Variants in USP43 observed in about 807,000 individuals in gnomAD.
USP43 encodes the protein ubiquitin carboxyl-terminal hydrolase 43.
A neutral mutation model predicts 90.7 loss-of-function variants in USP43; 33 were observed. The observed-to-expected ratio is 0.36, with a 90% confidence interval of 0.28 to 0.49. The LOEUF (loss-of-function observed/expected upper bound fraction) is 0.49, where lower values mean the gene tolerates loss of function less well. USP43 is among the 20% of genes least tolerant of loss of function. The pLI, the probability that USP43 is intolerant of heterozygous loss-of-function variation, is 0.98. For missense variants in USP43, 1,274 were observed against 1,476.4 expected (o/e 0.86, Z 2.25); for synonymous variants, 598 against 615.8 (o/e 0.97, Z 0.43).
intron 5 of USP43, among the ~76,000 whole-genome samples, chr17:9,677,488 A>G (rs534939515): frequency 2.0e-5 from 3 of 152,360 alleles, no homozygotes; most frequent in South Asian, 4.1e-4. Flanking sequence ...ATCTGGCGGA[A>G]GCTGGGATGG....
At chr17:9,711,693 A>G (rs1161174510) in intron 13 of USP43, among the ~76,000 whole-genome samples, 1 of 152,126 alleles carries the variant, frequency 6.6e-6, no homozygotes, top group Admixed American at 6.5e-5. Flanking sequence ...GGCCTCCGTA[A>G]GTGCTGGCAT....
chr17:9,705,553 A>G (rs1452404808), intron 12 of USP43, among the ~76,000 whole-genome samples: 4 of 152,002 alleles, frequency 2.6e-5, no homozygotes, highest in Non-Finnish European at 5.9e-5. Context: ...TTAGGAGTTC[A>G]AGACCAGCCT....
intron 1 of USP43, among the ~76,000 whole-genome samples, chr17:9,652,230 G>A (rs58165021): frequency 0.029 from 3,856 of 132,352 alleles, 267 homozygotes; most frequent in African/African-American, 0.11. Flanking sequence ...AAAAAAAAAA[G>A]AAAAGAAAAG....
Position 9,686,740 on chromosome 17 carries a change from T to C in USP43, c.1242-58T>C. 1 of 1,469,730 alleles carries C rather than the reference T, an allele frequency of 6.8e-7. No homozygotes were observed. The highest frequency in any genetic ancestry group is 9.4e-7 in the Non-Finnish European group (1 of 1,059,866). The allele number at this position is 1,469,730 out of a possible 1,614,324, so 91.0% of individuals were successfully genotyped here. Reference sequence around the variant, plus strand: ...CAGGGTTAGAACAACCACTCATGACTGGTGGATGTTGCTGGTTTTTCCTTT... The same window carrying C: ...CAGGGTTAGAACAACCACTCATGACCGGTGGATGTTGCTGGTTTTTCCTTT... On this transcript the variant is annotated intron_variant, in intron 7 of 14. Coordinates refer to ENST00000285199, the MANE Select transcript of USP43 (RefSeq NM_153210.5). This position sits in a 1 kb window ranked among gnomAD's most constrained non-coding sequence, Gnocchi z 5.5.
intron 14 of USP43, 108 bp downstream of exon 14, chr17:9,712,240 T>C: frequency 7.6e-7 from 1 of 1,312,234 alleles, no homozygotes; most frequent in South Asian, 1.8e-5. Flanking sequence ...AAAGGGTCCA[T>C]CATTACGAGA....
chr17:9,661,759 G>A (rs750486656), intron 2 of USP43, among the ~76,000 whole-genome samples: 2 of 138,266 alleles, frequency 1.4e-5, no homozygotes, highest in Non-Finnish European at 3.0e-5. Context: ...CAGAGCCAGC[G>A]TGAATGACCC....
chr17:9,705,258 A>G (rs1263873294), intron 12 of USP43, among the ~76,000 whole-genome samples: 3 of 148,656 alleles, frequency 2.0e-5, no homozygotes, highest in Non-Finnish European at 4.4e-5. Context: ...CCCCTAATTT[A>G]AGTAAAAGTA....
At chr17:9,657,350 T>C (rs1481694792) in intron 2 of USP43, among the ~76,000 whole-genome samples, 1 of 151,626 alleles carries the variant, frequency 6.6e-6, no homozygotes, top group Non-Finnish European at 1.5e-5. Context: ...CTATTAGTAA[T>C]ATAAAAATGA....
chr17:9,721,199 C>T (rs1457184782), intron 14 of USP43, among the ~76,000 whole-genome samples: 1 of 152,144 alleles, frequency 6.6e-6, no homozygotes, highest in Non-Finnish European at 1.5e-5. Flanking sequence ...ATAAGGTGCC[C>T]TGAAAGTTAA....
chr17:9,680,314 T>C lies in USP43; in HGVS notation c.1053T>C (p.Asp351=). Residue 351 remains aspartate (D), a synonymous_variant, in exon 6 of 15, where the codon GAT becomes GAC. Transcript: ENST00000285199. ...EEDLNTIAEG[D]NVYAFQVPPS... ...ACCTGAATACCATCGCAGAGGGAGA[T>C]AATGTGTATGCCTTTCAAGTTCCTC... is the stretch of plus-strand genomic sequence containing the variant. 1 of 1,613,982 alleles carries C rather than the reference T, an allele frequency of 6.2e-7. No homozygotes were observed. Among genetic ancestry groups the C allele is most frequent in the South Asian group, 1.1e-5 (1 of 91,086 alleles).
chr17:9,715,696 T>C (rs1033859675), intron 14 of USP43, among the ~76,000 whole-genome samples: 44 of 118,962 alleles, frequency 3.7e-4, no homozygotes, highest in African/African-American at 5.1e-5. Flanking sequence ...TATGTGTGTG[T>C]GTCTGTGTGT....
At position 9,674,265 on chromosome 17, in the gene USP43, A is replaced by G. The variant is rs1363981248; in HGVS notation, c.741-626A>G. On this transcript the variant is annotated intron_variant, in intron 3 of 14. Coordinates refer to ENST00000285199, the MANE Select transcript of USP43 (RefSeq NM_153210.5). This position sits in a 1 kb window ranked among gnomAD's most constrained non-coding sequence, Gnocchi z 4.4. ...TCACTAAACATTCTTTTCCCTTTTA[A>G]AAAAACGGAGGTGAAAGTCCTGTAA... 6.6e-6 allele frequency among the ~76,000 whole-genome samples: 1 copy of G among 152,116 alleles called. No individual in the cohort carries two copies. The highest frequency in any genetic ancestry group is 1.9e-4 in the East Asian group (1 of 5,200).
intron 8 of USP43, among the ~76,000 whole-genome samples, chr17:9,688,749 C>T (rs1281710175): frequency 1.3e-5 from 2 of 151,930 alleles, no homozygotes; most frequent in Admixed American, 6.6e-5. Flanking sequence ...TGCCGTGGTG[C>T]GGTAATGGCT....
chr17:9,670,863 C>G (rs1245981875), intron 3 of USP43, among the ~76,000 whole-genome samples: 2 of 152,196 alleles, frequency 1.3e-5, no homozygotes, highest in Non-Finnish European at 2.9e-5. Flanking sequence ...AGCTTTGTGC[C>G]TGCTGATAAA....
At chr17:9,666,560 C>T in intron 2 of USP43, 88 bp from the exon 3 acceptor site, 1 of 1,065,410 alleles carries the variant, frequency 9.4e-7, no homozygotes, top group Non-Finnish European at 1.4e-6. Flanking sequence ...GATGCGGGCC[C>T]AGGAGGAAGC....
At position 9,728,845 on chromosome 17, in the gene USP43, C is replaced by A; in HGVS notation, c.3227C>A (p.Ala1076Asp). ...AGCTCTCTCCGCCTCCCTCGTAAAG[C>A]CAGCAGGGCCCCGAGAGGCAGTGCA... ...APSSLRLPRK[A>D]SRAPRGSALG... Residue 1076 changes from alanine to aspartate, a missense_variant, in exon 15 of 15, where the codon GCC becomes GAC. Transcript: ENST00000285199. The surrounding 1 kb of genome is among the most constrained non-coding windows in gnomAD (Gnocchi z 6.2). The A allele has an allele frequency of 6.2e-7, 1 of 1,613,900 alleles. No homozygotes were observed. Among genetic ancestry groups the A allele is most frequent in the South Asian group, 1.1e-5 (1 of 91,080 alleles).
Position 9,700,193 on chromosome 17 carries a change from A to C in USP43, c.1479A>C (p.Pro493=), listed in dbSNP as rs1915490955. 1.9e-6 allele frequency: 3 copies of C among 1,606,740 alleles called. No individual in the cohort carries two copies. The African/African-American group carries it at 4.0e-5, about 21-fold the overall frequency. Reference sequence around the variant, plus strand: ...TCAGGGTTTTGCATCTCAGGAGGCCAGGAGGCCCTCCACATGTCAAGCTGG... The same window carrying C: ...TCAGGGTTTTGCATCTCAGGAGGCCCGGAGGCCCTCCACATGTCAAGCTGG... The part of the protein sequence containing the change: ...AVDRVLHLRR[P]GGPPHVKLAV... Residue 493 remains proline, a synonymous_variant, in exon 10 of 15, where the codon CCA becomes CCC. Coordinates refer to ENST00000285199, the MANE Select transcript of USP43 (RefSeq NM_153210.5).
At chr17:9,660,532 T>C (rs1912569041) in intron 2 of USP43, among the ~76,000 whole-genome samples, 2 of 152,146 alleles carry the variant, frequency 1.3e-5, no homozygotes, top group Non-Finnish European at 2.9e-5. Flanking sequence ...CATTGCAATA[T>C]ACTCCACACC....
chr17:9,724,443 G>A (rs1327792749), intron 14 of USP43, among the ~76,000 whole-genome samples: 1 of 152,184 alleles, frequency 6.6e-6, no homozygotes, highest in Non-Finnish European at 1.5e-5. Context: ...ACTTTGAGAG[G>A]TCGAGGCGGG....
Sources: allele counts gnomAD v4.1 joint callset (sites outside exome capture counted in the v4.1 genomes callset), GRCh38; gene constraint gnomAD v4.1.1; non-coding constraint Gnocchi (gnomAD v3.1); transcripts MANE v1.5; gene names NCBI Gene and HGNC (gene_info 2026-07-23, HGNC 2026-07-21).